Variants in RPL32 observed in about 807,000 individuals in gnomAD.
The protein encoded by RPL32 is ribosomal protein L32.
For missense variants in RPL32, 117 were observed against 173.7 expected (o/e 0.67, Z 1.83); for synonymous variants, 61 against 62.6 (o/e 0.98, Z 0.12).
At chr3:12,837,311 A>C (rs932272609) in intron 3 of RPL32, among the ~76,000 whole-genome samples, 1 of 152,190 alleles carries the variant, frequency 6.6e-6, no homozygotes, top group Non-Finnish European at 1.5e-5. Context: ...AGTTGTTTCC[A>C]GTGGGTTATT....
chr3:12,840,005 G>A, intron 2 of RPL32, 137 bp downstream of exon 2: 1 of 760,990 alleles, frequency 1.3e-6, no homozygotes, highest in East Asian at 2.4e-5. Flanking sequence ...GGCACACTGG[G>A]GGAGACCTGT....
Position 12,834,824 on chromosome 3 carries a change from C to T in RPL32, c.*1270G>A, listed in dbSNP as rs543558791. The T allele has an allele frequency of 2.1e-4, 32 of 152,302 alleles. No individual in the cohort carries two copies. Among genetic ancestry groups the T allele is most frequent in the African/African-American group, 6.3e-4 (26 of 41,558 alleles). 9.4% of individuals were successfully genotyped at this position (152,302 alleles called of 1,614,324 possible). A position where few individuals can be genotyped will look rare whatever the true frequency, so the allele number is the denominator to read the frequency against. On this transcript the variant is annotated 3_prime_UTR_variant, in exon 4 of 4. Transcript: ENST00000429711. The stretch of plus-strand genomic sequence containing the variant: ...AGTTACTTCTTTCCTCTGCACGACT[C>T]GTCTCCAATTGTTAATCGAATCGCC...
intron 3 of RPL32, among the ~76,000 whole-genome samples, chr3:12,837,764 G>A (rs539164055): frequency 6.6e-6 from 1 of 152,300 alleles, no homozygotes; most frequent in African/African-American, 2.4e-5. Context: ...CACACTCCAT[G>A]TTCTTTCTAG....
chr3:12,840,553 C>T (rs1434824233), intron 1 of RPL32: 20 of 516,182 alleles, frequency 3.9e-5, no homozygotes, highest in Non-Finnish European at 7.7e-5. Flanking sequence ...CAAATCCCAC[C>T]CCACCAGTGT....
rs2062152600 is a variant in RPL32, at chr3:12,841,532, A to G, written c.-44T>C. On this transcript the variant is annotated 5_prime_UTR_variant, in exon 1 of 4. Coordinates refer to ENST00000429711, the MANE Select transcript of RPL32 (RefSeq NM_000994.4). ...GCTGCCACCTCCGTAGGCAGCGCCGAGGAAGAGAGAAGGGACGGTGGCGCG... is the reference window on the plus strand; with the variant it reads ...GCTGCCACCTCCGTAGGCAGCGCCGGGGAAGAGAGAAGGGACGGTGGCGCG... 1 of 152,162 alleles carries G rather than the reference A, an allele frequency of 6.6e-6. No individual in the cohort carries two copies. The highest frequency in any genetic ancestry group is 2.4e-5 in the African/African-American group (1 of 41,412). The allele number at this position is 152,162 out of a possible 1,614,324, so 9.4% of individuals were successfully genotyped here. A position where few individuals can be genotyped will look rare whatever the true frequency, so the allele number is the denominator to read the frequency against.
intron 3 of RPL32, among the ~76,000 whole-genome samples, chr3:12,838,700 C>T (rs2062120765): frequency 1.3e-5 from 2 of 152,154 alleles, no homozygotes; most frequent in Admixed American, 1.3e-4. Context: ...TTGAATAGGG[C>T]ACTCTTGGTT....
intron 3 of RPL32, among the ~76,000 whole-genome samples, chr3:12,838,413 A>G (rs1425731802): frequency 6.6e-6 from 1 of 152,196 alleles, no homozygotes; most frequent in Non-Finnish European, 1.5e-5. Context: ...CTTAAAAAAC[A>G]AAAACCAATA....
intron 3 of RPL32, among the ~76,000 whole-genome samples, chr3:12,838,312 AGAAGAAACGCCTGAAACTGG>A (rs1179995699): frequency 6.6e-6 from 1 of 152,206 alleles, no homozygotes; most frequent in Non-Finnish European, 1.5e-5. Context: ...AGGGTGAGGC[AGAAGAAACGCCTGAAACTGG>A]GCGGTGGAGG....
In RPL32 at chr3:12,834,543, AGGGAGGAGGAATGGGTT is replaced by A. The variant is rs2062083718; in HGVS notation, c.*1534_*1550del. 6.5e-6 allele frequency: 1 copy of A among 154,626 alleles called. No individual in the cohort carries two copies. The highest frequency in any genetic ancestry group is 2.0e-4 in the South Asian group (1 of 5,022). 9.6% of individuals were successfully genotyped at this position (154,626 alleles called of 1,614,324 possible). ...AAGATGATACGGGTTTCTTTTTTCCAGGGAGGAGGAATGGGTTGGGTAGGGAACTGGACAGGCTTGGA... is the reference window on the plus strand; with the variant it reads ...AAGATGATACGGGTTTCTTTTTTCCAGGGTAGGGAACTGGACAGGCTTGGA... On this transcript the variant is annotated 3_prime_UTR_variant, in exon 4 of 4. Transcript: ENST00000429711.
rs2062092204 is a variant in RPL32, at chr3:12,835,444, A to T, written c.*650T>A. The T allele has an allele frequency of 6.6e-6, 1 of 152,328 alleles. No individual in the cohort carries two copies. The highest frequency in any genetic ancestry group is 1.5e-5 in the Non-Finnish European group (1 of 68,174). 9.4% of individuals were successfully genotyped at this position (152,328 alleles called of 1,614,324 possible). A position where few individuals can be genotyped will look rare whatever the true frequency, so the allele number is the denominator to read the frequency against. On this transcript the variant is annotated 3_prime_UTR_variant, in exon 4 of 4. Transcript: ENST00000429711. ...CAGGACCACGTGTCACTAAATTCTG[A>T]GTACCAGTCAAGAGGCTCAATTGTC... is the stretch of plus-strand genomic sequence containing the variant.
chr3:12,839,269 G>C, intron 3 of RPL32, 80 bp downstream of exon 3: 1 of 1,341,260 alleles, frequency 7.5e-7, no homozygotes, highest in East Asian at 2.3e-5. Flanking sequence ...CATCCCAAGA[G>C]TTTGTAGAGT....
intron 2 of RPL32, 42 bp from the exon 3 acceptor site, chr3:12,839,572 G>C (rs777312793): frequency 6.3e-7 from 1 of 1,585,958 alleles, no homozygotes; most frequent in Admixed American, 1.7e-5. Context: ...TCTGTGCAGA[G>C]TGCGAACTCT....
At chr3:12,836,884 G>C (rs1484420447) in intron 3 of RPL32, among the ~76,000 whole-genome samples, 5 of 152,306 alleles carry the variant, frequency 3.3e-5, no homozygotes, top group Admixed American at 2.0e-4. Flanking sequence ...CAGTGGTTAA[G>C]AACAGACATT....
intron 1 of RPL32, chr3:12,840,640 A>T: frequency 2.4e-6 from 1 of 412,228 alleles, no homozygotes; most frequent in Non-Finnish European, 4.8e-6. Flanking sequence ...CTCACCTGTA[A>T]AATGAAGATG....
At chr3:12,836,250 G>C (rs758149764) in intron 3 of RPL32, 27 bp from the exon 4 acceptor site, 1 of 1,599,186 alleles carries the variant, frequency 6.3e-7, no homozygotes, top group Non-Finnish European at 8.5e-7. Context: ...TAGGTAAGGA[G>C]CAAGACAGCC....
At chr3:12,836,292 G>A (rs1007938191) in intron 3 of RPL32, 69 bp from the exon 4 acceptor site, 2 of 1,580,898 alleles carry the variant, frequency 1.3e-6, no homozygotes, top group Non-Finnish European at 8.6e-7. Context: ...CATTGGAGAG[G>A]CAATGAGTCC....
chr3:12,839,674 T>C (rs2062130917), intron 2 of RPL32, 144 bp from the exon 3 acceptor site: 1 of 851,940 alleles, frequency 1.2e-6, no homozygotes, highest in Non-Finnish European at 1.9e-6. Context: ...ATTTCCTTAC[T>C]TTTTTGGTGG....
intron 3 of RPL32, among the ~76,000 whole-genome samples, chr3:12,837,237 G>C (rs3773306): frequency 0.19 from 28,888 of 151,986 alleles, 3,738 homozygotes; most frequent in African/African-American, 0.38. Context: ...TACAACACTC[G>C]AATCATTTTG....
rs2062095926 is a variant in RPL32 at position 12,835,943 on chromosome 3, C to T, written c.*151G>A. Reference sequence around the variant, plus strand: ...CTGAGTGTCCTTTACAAATCCCCTCCAAATGGGAGATTCCAAAGGGGCTTA... The same window carrying T: ...CTGAGTGTCCTTTACAAATCCCCTCTAAATGGGAGATTCCAAAGGGGCTTA... On this transcript the variant is annotated 3_prime_UTR_variant, in exon 4 of 4. Coordinates refer to ENST00000429711, the MANE Select transcript of RPL32 (RefSeq NM_000994.4). 5 of 898,776 alleles carry T rather than the reference C, an allele frequency of 5.6e-6. No homozygotes were observed. The highest frequency in any genetic ancestry group is 6.7e-6 in the Non-Finnish European group (4 of 596,918). The allele number at this position is 898,776 out of a possible 1,614,324, so 55.7% of individuals were successfully genotyped here. A position where few individuals can be genotyped will look rare whatever the true frequency, so the allele number is the denominator to read the frequency against.
Sources: allele counts gnomAD v4.1 joint callset (sites outside exome capture counted in the v4.1 genomes callset), GRCh38; gene constraint gnomAD v4.1.1; transcripts MANE v1.5; gene names NCBI Gene and HGNC (gene_info 2026-07-23, HGNC 2026-07-21).